NUBPL: variants seen among roughly 807,000 people sequenced by gnomAD.
NUBPL encodes the protein iron-sulfur cluster transfer protein NUBPL.
Under a neutral mutation model 45.7 loss-of-function variants are expected in NUBPL, and 31 were observed. The ratio of observed to expected loss-of-function variants is 0.68; its 90% CI spans 0.51 to 0.92. The LOEUF is 0.92. NUBPL is among the 40% of genes least tolerant of loss of function. NUBPL has a pLI of 0.00. For missense variants in NUBPL, 401 were observed against 398.7 expected, an observed-to-expected ratio of 1.01 and a Z score of -0.05; for synonymous variants, 144 against 140.9, an observed-to-expected ratio of 1.02 and a Z score of -0.15.
At chr14:31,564,659 T>C (rs2033388684) in intron 2 of NUBPL, among the ~76,000 whole-genome samples, 1 of 152,102 alleles carries the variant, frequency 6.6e-6, no homozygotes, top group South Asian at 2.1e-4. Flanking sequence ...TTCTATAAAA[T>C]ATGGTTTTGA....
intron 4 of NUBPL, among the ~76,000 whole-genome samples, chr14:31,600,347 T>C (rs945025745): frequency 2.0e-5 from 3 of 152,096 alleles, no homozygotes; most frequent in Non-Finnish European, 4.4e-5. Context: ...GAATCAACCC[T>C]GGAAAGGAGG....
chr14:31,764,430 A>G (rs1246575010), intron 6 of NUBPL, among the ~76,000 whole-genome samples: 2 of 152,178 alleles, frequency 1.3e-5, no homozygotes, highest in South Asian at 2.1e-4. Context: ...AGTGTCTGCA[A>G]CAGTGCTTGG....
intron 6 of NUBPL, among the ~76,000 whole-genome samples, chr14:31,703,953 C>T (rs554234665): frequency 1.3e-5 from 2 of 152,306 alleles, no homozygotes; most frequent in South Asian, 4.1e-4. Flanking sequence ...TGATAATTGT[C>T]CAGCCACCAC....
intron 8 of NUBPL, among the ~76,000 whole-genome samples, chr14:31,831,488 C>T (rs954482185): frequency 7.9e-5 from 12 of 151,460 alleles, no homozygotes; most frequent in African/African-American, 2.9e-4. Flanking sequence ...CATACCATAC[C>T]ATACCATACC....
At chr14:31,838,353 T>C (rs926402833) in intron 8 of NUBPL, among the ~76,000 whole-genome samples, 3 of 141,630 alleles carry the variant, frequency 2.1e-5, no homozygotes, top group African/African-American at 5.4e-5. Context: ...GCAGCCAAAA[T>C]CTGGAAACAA....
intron 6 of NUBPL, among the ~76,000 whole-genome samples, chr14:31,781,725 C>G (rs548304055): frequency 6.6e-6 from 1 of 152,208 alleles, no homozygotes; most frequent in Non-Finnish European, 1.5e-5. Context: ...TTAATTATAG[C>G]CAACTTATTC....
chr14:31,736,690 T>C (rs1031817698), intron 6 of NUBPL, among the ~76,000 whole-genome samples: 4 of 152,228 alleles, frequency 2.6e-5, no homozygotes, highest in Non-Finnish European at 5.9e-5. Flanking sequence ...GGGATTCAGA[T>C]GCACTAATTT....
chr14:31,682,159 TTCTC>T (rs968850413), intron 6 of NUBPL, among the ~76,000 whole-genome samples: 3 of 152,132 alleles, frequency 2.0e-5, no homozygotes, highest in African/African-American at 4.8e-5. Flanking sequence ...ATTTGCCCAT[TTCTC>T]TCTCTATTTC....
chr14:31,711,561 G>A (rs1266390418), intron 6 of NUBPL, among the ~76,000 whole-genome samples: 1 of 152,038 alleles, frequency 6.6e-6, no homozygotes, highest in Non-Finnish European at 1.5e-5. Context: ...GGAATTGGTG[G>A]GTTCTTGGTC....
intron 6 of NUBPL, among the ~76,000 whole-genome samples, chr14:31,757,804 C>T (rs1235410520): frequency 6.6e-6 from 1 of 152,092 alleles, no homozygotes; most frequent in African/African-American, 2.4e-5. Flanking sequence ...ATAACTCAAA[C>T]CCTTTTTTTA....
chr14:31,576,171 A>G lies in NUBPL; in HGVS notation c.291+11123A>G, dbSNP rs140548511. On this transcript the variant is annotated intron_variant, in intron 3 of 10. Coordinates refer to ENST00000281081, the MANE Select transcript of NUBPL (RefSeq NM_025152.3). ...TCTACACACACACTTTCATATATTC[A>G]TTTACCAAATGTTTGCTAAGGGCCT... 2.6e-4 allele frequency among the ~76,000 whole-genome samples: 39 copies of G among 152,354 alleles called. 1 individual carries two copies. In the Middle Eastern group the frequency reaches 0.01, roughly 40 times the overall value.
chr14:31,693,763 G>C (rs1006495198), intron 6 of NUBPL, among the ~76,000 whole-genome samples: 1 of 144,918 alleles, frequency 6.9e-6, no homozygotes, highest in East Asian at 2.0e-4. Flanking sequence ...TTTTCAGTTG[G>C]ACAGGGCGGT....
intron 8 of NUBPL, among the ~76,000 whole-genome samples, chr14:31,837,140 A>G (rs2040294011): frequency 6.6e-6 from 1 of 152,100 alleles, no homozygotes; most frequent in African/African-American, 2.4e-5. Flanking sequence ...TTGGCAATAC[A>G]CTAAGACCTT....
intron 3 of NUBPL, among the ~76,000 whole-genome samples, chr14:31,569,196 T>C (rs1453881468): frequency 6.6e-6 from 1 of 151,892 alleles, no homozygotes; most frequent in Non-Finnish European, 1.5e-5. Context: ...GTTTTTTTTG[T>C]TTTTGTTTTT....
At chr14:31,633,789 T>G (rs1281418679) in intron 4 of NUBPL, among the ~76,000 whole-genome samples, 1 of 152,202 alleles carries the variant, frequency 6.6e-6, no homozygotes, top group African/African-American at 2.4e-5. Context: ...CACCTAATTC[T>G]TTTTCCTTTG....
At chr14:31,601,949 C>A (rs1053620950) in intron 4 of NUBPL, among the ~76,000 whole-genome samples, 5 of 152,202 alleles carry the variant, frequency 3.3e-5, no homozygotes, top group African/African-American at 4.8e-5. Flanking sequence ...CGTATGTTTA[C>A]TGTGGCCCTA....
intron 4 of NUBPL, among the ~76,000 whole-genome samples, chr14:31,629,274 C>T (rs2035282854): frequency 6.6e-6 from 1 of 152,056 alleles, no homozygotes; most frequent in South Asian, 2.1e-4. Flanking sequence ...ATTTTTGTTT[C>T]TTCTCCTTTT....
intron 6 of NUBPL, among the ~76,000 whole-genome samples, chr14:31,682,258 G>A (rs887636741): frequency 6.6e-6 from 1 of 151,976 alleles, no homozygotes; most frequent in African/African-American, 2.4e-5. Context: ...TTGCCCTTTT[G>A]TTGTTATGAA....
intron 3 of NUBPL, among the ~76,000 whole-genome samples, chr14:31,580,002 A>G (rs1466954042): frequency 6.6e-6 from 1 of 152,226 alleles, no homozygotes; most frequent in Admixed American, 6.5e-5. Flanking sequence ...CAAAATGGGA[A>G]CTTAAGATGA....
Sources: allele counts gnomAD v4.1 joint callset (sites outside exome capture counted in the v4.1 genomes callset), GRCh38; gene constraint gnomAD v4.1.1; transcripts MANE v1.5; gene names NCBI Gene and HGNC (gene_info 2026-07-23, HGNC 2026-07-21).